Variants in NLGN4Y observed in about 807,000 individuals in gnomAD.
NLGN4Y encodes neuroligin-4, Y-linked.
A neutral mutation model predicts 8.4 loss-of-function variants in NLGN4Y; 4 were observed. The observed-to-expected ratio is 0.48, with a 90% confidence interval of 0.23 to 1.09. The LOEUF is 1.09. Among genes scored for constraint, NLGN4Y ranks in the 50% least tolerant of loss-of-function variants. NLGN4Y has a pLI of 0.19. For synonymous variants in NLGN4Y, 35 were observed against 75.6 expected (o/e 0.46, Z 2.78); for missense variants, 90 against 192.3 (o/e 0.47, Z 3.15).
chrY:14,681,834 G>A, intron 2 of NLGN4Y, among the ~76,000 whole-genome samples: 1 of 32,675 alleles, frequency 3.1e-5, no homozygotes, highest in Non-Finnish European at 7.5e-5. Flanking sequence ...TAGACATCAG[G>A]AGAAGTCAGA....
At chrY:14,725,457 C>G (rs757998864) in intron 4 of NLGN4Y, among the ~76,000 whole-genome samples, 216 of 33,791 alleles carry the variant, frequency 6.4e-3, no homozygotes, top group Non-Finnish European at 0.012. Context: ...ACATTTTCTT[C>G]TTAAATTACA....
intron 4 of NLGN4Y, among the ~76,000 whole-genome samples, chrY:14,753,901 G>A (rs2081049829): frequency 6.1e-5 from 2 of 32,680 alleles, no homozygotes; most frequent in African/African-American, 1.2e-4. Context: ...AAATACCACC[G>A]TCTCCGCATA....
At chrY:14,815,639 G>T in intron 4 of NLGN4Y, among the ~76,000 whole-genome samples, 1 of 33,303 alleles carries the variant, frequency 3.0e-5, no homozygotes, top group Non-Finnish European at 7.4e-5. Flanking sequence ...GATGGTATTC[G>T]TGGTTACAGG....
chrY:14,545,742 C>T (rs2080170324), intron 1 of NLGN4Y, among the ~76,000 whole-genome samples: 3 of 33,346 alleles, frequency 9.0e-5, no homozygotes, highest in African/African-American at 3.5e-4. Context: ...CCTGTTCACT[C>T]TGATGGTAGT....
At chrY:14,640,434 A>G in intron 2 of NLGN4Y, 1 of 71,611 alleles carries the variant, frequency 1.4e-5, no homozygotes, top group Non-Finnish European at 3.0e-5. Flanking sequence ...AGATGCCTCA[A>G]CCATCCCAAC....
chrY:14,748,637 A>G, intron 4 of NLGN4Y: 1 of 186,164 alleles, frequency 5.4e-6, no homozygotes, highest in South Asian at 3.8e-5. Context: ...ACCCTGGCTC[A>G]TGGAAACTGC....
intron 1 of NLGN4Y, among the ~76,000 whole-genome samples, chrY:14,587,547 T>C: frequency 2.1e-4 from 7 of 33,572 alleles, no homozygotes; most frequent in Non-Finnish European, 5.2e-4. Flanking sequence ...GCAAGTTTTC[T>C]ACCTTCTGTG....
intron 2 of NLGN4Y, among the ~76,000 whole-genome samples, chrY:14,658,344 T>G (rs755661760): frequency 5.9e-5 from 2 of 33,768 alleles, no homozygotes; most frequent in South Asian, 1.3e-3. Context: ...GCTTGTTTCA[T>G]TAAAATTATT....
intron 4 of NLGN4Y, among the ~76,000 whole-genome samples, chrY:14,785,763 CAAAAAAAAAAA>C (rs1313357564): frequency 5.9e-4 from 2 of 3,391 alleles, no homozygotes; most frequent in East Asian, 6.9e-3. Flanking sequence ...GACTCCGTCT[CAAAAAAAAAAA>C]AAAAAAAAAA....
At chrY:14,757,176 T>A in intron 4 of NLGN4Y, among the ~76,000 whole-genome samples, 2 of 30,965 alleles carry the variant, frequency 6.5e-5, no homozygotes, top group Non-Finnish European at 1.5e-4. Flanking sequence ...TGTGTGTGTG[T>A]TTGCTTTTTT....
chrY:14,660,532 T>C, intron 2 of NLGN4Y, among the ~76,000 whole-genome samples: 1 of 30,776 alleles, frequency 3.2e-5, no homozygotes, highest in South Asian at 7.7e-4. Context: ...TGAGACTGCC[T>C]ACGCACAACA....
rs771880236 is a variant in NLGN4Y at position 14,678,750 on chromosome Y, C to T, written c.473-40709C>T. On this transcript the variant is annotated intron_variant, in intron 2 of 6. Coordinates refer to ENST00000684976, the MANE Select transcript of NLGN4Y (RefSeq NM_001365588.1). ...TTACCGGAAAAAGGACTTTCTCAGA[C>T]GTGCTTTCTCATCCTGATGGTTTCC... Among the ~76,000 whole-genome samples the T allele has an allele frequency of 1.2e-4, 4 of 33,553 alleles. No homozygotes were observed. In the East Asian group the frequency reaches 2.4e-3, roughly 20 times the overall value. 90.0% of individuals were successfully genotyped at this position (33,553 alleles called of 37,273 possible).
chrY:14,534,072 T>C, intron 1 of NLGN4Y, among the ~76,000 whole-genome samples: 2 of 33,299 alleles, frequency 6.0e-5, no homozygotes, highest in African/African-American at 1.2e-4. Context: ...GTATGCGTCT[T>C]TATAGTAGAA....
chrY:14,630,194 C>T, intron 2 of NLGN4Y, among the ~76,000 whole-genome samples: 1 of 33,557 alleles, frequency 3.0e-5, no homozygotes, highest in Non-Finnish European at 7.3e-5. Flanking sequence ...TAACTGAGCA[C>T]GGTATATTAA....
intron 4 of NLGN4Y, among the ~76,000 whole-genome samples, chrY:14,818,150 G>A (rs755069636): frequency 8.0e-3 from 253 of 31,502 alleles, no homozygotes; most frequent in African/African-American, 0.029. Context: ...TTGCCCTTCC[G>A]AACTGTCCTT....
chrY:14,744,676 C>A, intron 4 of NLGN4Y, among the ~76,000 whole-genome samples: 1 of 33,838 alleles, frequency 3.0e-5, no homozygotes, highest in Non-Finnish European at 7.4e-5. Context: ...ATGCTTTAGT[C>A]ATGTGGGTTC....
intron 5 of NLGN4Y, among the ~76,000 whole-genome samples, chrY:14,827,816 G>C: frequency 3.1e-5 from 1 of 32,691 alleles, no homozygotes; most frequent in Non-Finnish European, 7.5e-5. Context: ...CCAAATTGTT[G>C]GCCTTAGGAA....
intron 1 of NLGN4Y, among the ~76,000 whole-genome samples, chrY:14,614,055 C>G (rs2080478611): frequency 3.0e-5 from 1 of 33,660 alleles, no homozygotes; most frequent in African/African-American, 1.2e-4. Context: ...CTCCCACCAA[C>G]AGTGTAAAAT....
At chrY:14,780,374 A>G in intron 4 of NLGN4Y, among the ~76,000 whole-genome samples, 2 of 33,224 alleles carry the variant, frequency 6.0e-5, no homozygotes, top group Non-Finnish European at 1.5e-4. Context: ...AATTCATACT[A>G]CTTGCTCTGG....
Sources: allele counts gnomAD v4.1 joint callset (sites outside exome capture counted in the v4.1 genomes callset), GRCh38; gene constraint gnomAD v4.1.1; transcripts MANE v1.5; gene names NCBI Gene and HGNC (gene_info 2026-07-23, HGNC 2026-07-21).